The following SLC22A15 variants were observed in gnomAD, a reference collection of about 807,000 sequenced individuals.
SLC22A15 encodes flipt 1.
In SLC22A15, 45 loss-of-function variants were observed where a neutral mutation model predicts 62.7. That is an observed-to-expected ratio of 0.72 (90% CI 0.56 to 0.92). SLC22A15 has a LOEUF of 0.92. SLC22A15 is among the 40% of genes least tolerant of loss of function. SLC22A15 has a pLI of 0.00. For synonymous variants in SLC22A15, 264 were observed against 267.0 expected, an observed-to-expected ratio of 0.99 and a Z score of 0.11; for missense variants, 622 against 665.6, an observed-to-expected ratio of 0.93 and a Z score of 0.72.
intron 10 of SLC22A15, among the ~76,000 whole-genome samples, chr1:116,064,884 G>A (rs1377940546): frequency 6.6e-6 from 1 of 152,090 alleles, no homozygotes; most frequent in African/African-American, 2.4e-5. Context: ...ATAAGAGGAA[G>A]GCATTGTTGT....
At chr1:116,023,199 A>T (rs1303476899) in intron 4 of SLC22A15, among the ~76,000 whole-genome samples, 7 of 152,200 alleles carry the variant, frequency 4.6e-5, no homozygotes, top group Non-Finnish European at 4.4e-5. Flanking sequence ...ATACCAAAAA[A>T]CACAAGTACG....
intron 2 of SLC22A15, among the ~76,000 whole-genome samples, chr1:116,012,290 C>T (rs962770982): frequency 6.6e-6 from 1 of 152,112 alleles, no homozygotes; most frequent in African/African-American, 2.4e-5. Context: ...ATATGTGTCT[C>T]AGTTCTCGGA....
chr1:116,037,015 T>C (rs2101474670), intron 7 of SLC22A15, among the ~76,000 whole-genome samples: 1 of 152,212 alleles, frequency 6.6e-6, no homozygotes, highest in East Asian at 1.9e-4. Context: ...GGTAAACATT[T>C]AAAACAGTGT....
At chr1:116,014,974 T>G (rs1031890446) in intron 2 of SLC22A15, 4 of 152,190 alleles carry the variant, frequency 2.6e-5, no homozygotes, top group African/African-American at 9.7e-5. Context: ...TCAAATACTA[T>G]AGGGATCAAT....
intron 2 of SLC22A15, among the ~76,000 whole-genome samples, chr1:115,998,563 A>T (rs941846634): frequency 6.6e-6 from 1 of 152,244 alleles, no homozygotes; most frequent in South Asian, 2.1e-4. Context: ...TAGGTTTTCC[A>T]ACTTATTGGC....
intron 1 of SLC22A15, among the ~76,000 whole-genome samples, chr1:115,981,730 C>T (rs1210846561): frequency 6.6e-6 from 1 of 152,184 alleles, no homozygotes; most frequent in Non-Finnish European, 1.5e-5. Context: ...CCATGGAAAG[C>T]AACTAGACTG....
intron 1 of SLC22A15, among the ~76,000 whole-genome samples, chr1:115,977,945 G>A (rs927652155): frequency 2.6e-5 from 4 of 152,048 alleles, no homozygotes; most frequent in Admixed American, 6.5e-5. Flanking sequence ...TTTTCTAGCC[G>A]AACAGTTCTC....
intron 8 of SLC22A15, among the ~76,000 whole-genome samples, chr1:116,052,344 G>A (rs1658083232): frequency 6.6e-6 from 1 of 152,246 alleles, no homozygotes; most frequent in African/African-American, 2.4e-5. Flanking sequence ...GAGGCTGGGG[G>A]AGGGGCGCCC....
chr1:116,059,108 TAAAATA>T (rs1196017809), intron 8 of SLC22A15, among the ~76,000 whole-genome samples: 5 of 151,996 alleles, frequency 3.3e-5, no homozygotes, highest in Non-Finnish European at 7.4e-5. Flanking sequence ...TTATGGAAAC[TAAAATA>T]AAAATAAAAA....
intron 1 of SLC22A15, among the ~76,000 whole-genome samples, chr1:115,980,288 A>T (rs185818416): frequency 1.3e-5 from 2 of 152,274 alleles, no homozygotes; most frequent in Non-Finnish European, 1.5e-5. Flanking sequence ...TTTAGAGAAC[A>T]ATTTGGCACC....
At chr1:115,995,023 C>T (rs1655352569) in intron 2 of SLC22A15, among the ~76,000 whole-genome samples, 1 of 151,852 alleles carries the variant, frequency 6.6e-6, no homozygotes, top group Admixed American at 6.6e-5. Context: ...AGCATCTATA[C>T]CTTTTCTCTT....
At chr1:116,046,527 G>A (rs949077442) in intron 8 of SLC22A15, among the ~76,000 whole-genome samples, 6 of 152,190 alleles carry the variant, frequency 3.9e-5, no homozygotes. Flanking sequence ...ACAATATCAG[G>A]ATCATCATGG....
intron 8 of SLC22A15, among the ~76,000 whole-genome samples, chr1:116,043,221 C>G (rs1186310612): frequency 6.6e-6 from 1 of 152,110 alleles, no homozygotes; most frequent in African/African-American, 2.4e-5. Context: ...GTCAGGAGTT[C>G]AAGATCAGCC....
At chr1:115,995,358 T>C (rs534053258) in intron 2 of SLC22A15, among the ~76,000 whole-genome samples, 1 of 152,316 alleles carries the variant, frequency 6.6e-6, no homozygotes, top group African/African-American at 2.4e-5. Context: ...TTCAAGCAAT[T>C]CTTCTGCCTC....
At chr1:116,011,506 A>C (rs1656255056) in intron 2 of SLC22A15, among the ~76,000 whole-genome samples, 1 of 152,172 alleles carries the variant, frequency 6.6e-6, no homozygotes, top group African/African-American at 2.4e-5. Context: ...AGATGCCTAT[A>C]AGACGATGGC....
At chr1:116,051,717 C>G (rs1658055083) in intron 8 of SLC22A15, among the ~76,000 whole-genome samples, 1 of 152,198 alleles carries the variant, frequency 6.6e-6, no homozygotes, top group Non-Finnish European at 1.5e-5. Context: ...ATAGTTGGGA[C>G]TGACTGTACA....
intron 2 of SLC22A15, among the ~76,000 whole-genome samples, chr1:116,010,352 A>C (rs189585528): frequency 0.024 from 3,656 of 152,356 alleles, 147 homozygotes; most frequent in African/African-American, 0.084. Context: ...CCCTGGGGTC[A>C]AAAGACAGAG....
intron 4 of SLC22A15, among the ~76,000 whole-genome samples, chr1:116,025,497 T>G (rs904618310): frequency 1.3e-5 from 2 of 152,240 alleles, no homozygotes; most frequent in African/African-American, 2.4e-5. Flanking sequence ...ATCACTTATT[T>G]GTTATAAAGT....
At chr1:116,009,037 C>T (rs915922869) in intron 2 of SLC22A15, among the ~76,000 whole-genome samples, 1 of 152,102 alleles carries the variant, frequency 6.6e-6, no homozygotes, top group Non-Finnish European at 1.5e-5. Context: ...GTACATGTTT[C>T]CTAACAGAAC....
Sources: allele counts gnomAD v4.1 joint callset (sites outside exome capture counted in the v4.1 genomes callset), GRCh38; gene constraint gnomAD v4.1.1; transcripts MANE v1.5; gene names NCBI Gene and HGNC (gene_info 2026-07-23, HGNC 2026-07-21).